Variants in PDIA6 observed in about 807,000 individuals in gnomAD.
PDIA6 encodes the protein protein disulfide isomerase family A member 6.
A neutral mutation model predicts 58.4 loss-of-function variants in PDIA6; 29 were observed. The ratio of observed to expected loss-of-function variants is 0.50; its 90% CI spans 0.37 to 0.68. The LOEUF is 0.68. Among genes scored for constraint, PDIA6 ranks in the 30% least tolerant of loss-of-function variants. PDIA6 has a pLI of 0.00. For missense variants in PDIA6, 480 were observed against 551.0 expected, an observed-to-expected ratio of 0.87 and a Z score of 1.29; for synonymous variants, 192 against 202.6, an observed-to-expected ratio of 0.95 and a Z score of 0.44.
At chr2:10,789,101 C>A (rs1446813573) in intron 8 of PDIA6, 120 bp from the exon 9 acceptor site, 4 of 730,014 alleles carry the variant, frequency 5.5e-6, no homozygotes, top group Non-Finnish European at 9.9e-6. Flanking sequence ...CCCACGACTA[C>A]TTCCTCGTAT....
Position 10,784,948 on chromosome 2 carries a change from C to T in PDIA6, c.1240G>A (p.Gly414Ser), listed in dbSNP as rs759332910. 13 of 1,585,702 alleles carry T rather than the reference C, an allele frequency of 8.2e-6. No homozygotes were observed. In the Admixed American group the frequency reaches 8.8e-5, roughly 11 times the overall value. Residue 414 changes from glycine to serine, a missense_variant, in exon 12 of 13, where the codon GGC becomes AGC. Gly to Ser is a moderately conservative substitution (Grantham distance 56). Coordinates refer to ENST00000272227, the MANE Select transcript of PDIA6 (RefSeq NM_005742.4). ...PTIVEREPWDGRDGELPVEDD... is the reference protein window; with the variant it reads ...PTIVEREPWDSRDGELPVEDD... ...CGGGCACTCACCTCGCCATCCCTGCCGTCCCAAGGCTCTCTCTCAACGATG... is the reference window on the plus strand; with the variant it reads ...CGGGCACTCACCTCGCCATCCCTGCTGTCCCAAGGCTCTCTCTCAACGATG...
At chr2:10,835,031 G>A (rs1412307775), upstream of PDIA6, among the ~76,000 whole-genome samples, 2 of 152,072 alleles carry the variant, frequency 1.3e-5, no homozygotes, top group Non-Finnish European at 2.9e-5. Context: ...GCCTCCCAAA[G>A]TGCTGGGATT....
chr2:10,783,454 C>T lies in PDIA6; in HGVS notation c.*804G>A, dbSNP rs1665520861. On this transcript the variant is annotated 3_prime_UTR_variant, in exon 13 of 13. Transcript: ENST00000272227. ...AATGCTCTCAAGTCCTTTGAATGTTCCAACAAATTCAAAACTTCATTTTCT... is the reference window on the plus strand; with the variant it reads ...AATGCTCTCAAGTCCTTTGAATGTTTCAACAAATTCAAAACTTCATTTTCT... The T allele has an allele frequency of 2.0e-6, 1 of 495,622 alleles. No individual in the cohort carries two copies. The highest frequency in any genetic ancestry group is 2.0e-5 in the African/African-American group (1 of 51,222). 30.7% of individuals were successfully genotyped at this position (495,622 alleles called of 1,614,324 possible).
chr2:10,788,702 C>T lies in PDIA6; in HGVS notation c.993G>A (p.Met331Ile), dbSNP rs144938847. ...LKLADKYKKK[M>I]WGWLWTEAGA... ...CAGTAAGCTCAGTAACTTACCCCCACATTTTCTTTTTGTATTTGTCTGCCA... is the reference window on the plus strand; with the variant it reads ...CAGTAAGCTCAGTAACTTACCCCCATATTTTCTTTTTGTATTTGTCTGCCA... Residue 331 changes from methionine (M) to isoleucine (I), a missense_variant, in exon 10 of 13, where the codon ATG (methionine) becomes ATA (isoleucine). Transcript: ENST00000272227. 33 of 1,608,240 alleles carry T rather than the reference C, an allele frequency of 2.1e-5. 1 individual carries two copies. Among genetic ancestry groups the T allele is most frequent in the Non-Finnish European group, 2.6e-5 (30 of 1,174,752 alleles).
chr2:10,787,230 C>G (rs761487085), intron 11 of PDIA6, 51 bp downstream of exon 11: 2 of 1,539,878 alleles, frequency 1.3e-6, no homozygotes, highest in African/African-American at 1.4e-5. Flanking sequence ...AAACCTACAA[C>G]AGAACCAAAC....
chr2:10,806,237 G>A lies in PDIA6; in HGVS notation c.20-3597C>T, dbSNP rs553838533. On this transcript the variant is annotated intron_variant, in intron 1 of 12. Transcript: ENST00000272227. Reference sequence around the variant, plus strand: ...ACAAAAATTAGCCAGGCATGGTGGTGCATGCCTATAGTCCTAGCTACTCGA... The same window carrying A: ...ACAAAAATTAGCCAGGCATGGTGGTACATGCCTATAGTCCTAGCTACTCGA... Among the ~76,000 whole-genome samples, 17 of 151,262 alleles carry A rather than the reference G, an allele frequency of 1.1e-4. No homozygotes were observed. In the South Asian group the frequency reaches 3.4e-3, roughly 30 times the overall value.
At chr2:10,792,577 G>GT (rs1252968999) in intron 5 of PDIA6, among the ~76,000 whole-genome samples, 2 of 152,192 alleles carry the variant, frequency 1.3e-5, no homozygotes, top group East Asian at 3.9e-4. Flanking sequence ...AGATCTTCAA[G>GT]TTTGTCTTTT....
upstream of PDIA6, among the ~76,000 whole-genome samples, chr2:10,833,341 C>T (rs1321396165): frequency 6.6e-6 from 1 of 152,182 alleles, no homozygotes; most frequent in African/African-American, 2.4e-5. Flanking sequence ...CATCCTTTCC[C>T]GTTTGGAATT....
rs529073817 is a variant in PDIA6, at chr2:10,793,495, ACCT to A, written c.347-296_347-294del. Among the ~76,000 whole-genome samples, 371 of 151,978 alleles carry A rather than the reference ACCT, an allele frequency of 2.4e-3. 3 individuals carry two copies. The highest frequency in any genetic ancestry group is 8.1e-3 in the African/African-American group (334 of 41,420). The stretch of plus-strand genomic sequence containing the variant: ...AGTGGCACCATCTCAGGTCACTGCA[ACCT>A]CCGCCTCCCGGGTTCGAGTGATTTC... On this transcript the variant is annotated intron_variant, in intron 4 of 12. Transcript: ENST00000272227.
In PDIA6 at chr2:10,789,741, T is replaced by C. The variant is rs11904084; in HGVS notation, c.840+8A>G. 886,085 of 1,610,264 alleles carry C rather than the reference T, an allele frequency of 0.55. 248,781 individuals carry two copies. Among genetic ancestry groups the C allele is most frequent in the Middle Eastern group, 0.59 (3,578 of 6,052 alleles). On this transcript the variant is annotated splice_region_variant and intron_variant, in intron 8 of 12. Coordinates refer to ENST00000272227, the MANE Select transcript of PDIA6 (RefSeq NM_005742.4). ...CTTTCTGGACTACAAGCAGTTGAAG[T>C]GGTTTACCTCAAGCAGCTCAGGAGG...
intron 1 of PDIA6, 76 bp downstream of exon 1, chr2:10,812,602 G>C (rs980964165): frequency 7.2e-7 from 1 of 1,386,172 alleles, no homozygotes; most frequent in East Asian, 3.2e-5. Context: ...GCGGCCCGCC[G>C]GGGAACGGCC....
chr2:10,813,822 G>A (rs967342774), upstream of PDIA6, among the ~76,000 whole-genome samples: 18 of 146,774 alleles, frequency 1.2e-4, no homozygotes, highest in Non-Finnish European at 1.8e-4. Flanking sequence ...TTTTAGCAGA[G>A]ACAGGGTTTC....
intron 4 of PDIA6, among the ~76,000 whole-genome samples, chr2:10,796,823 G>A (rs1317416567): frequency 6.6e-6 from 1 of 152,190 alleles, no homozygotes; most frequent in Non-Finnish European, 1.5e-5. Flanking sequence ...AGACAACAGG[G>A]TAGCACAGAA....
upstream of PDIA6, among the ~76,000 whole-genome samples, chr2:10,817,268 A>T (rs376148840): frequency 3.3e-5 from 5 of 152,340 alleles, no homozygotes; most frequent in South Asian, 1.0e-3. Context: ...GCAGCAAGTC[A>T]CTTGCCCTGC....
intron 1 of PDIA6, among the ~76,000 whole-genome samples, chr2:10,804,888 A>G (rs1666667743): frequency 7.7e-6 from 1 of 129,366 alleles, no homozygotes; most frequent in African/African-American, 2.6e-5. Flanking sequence ...GGTCCTTCAC[A>G]TCCCTTGTAA....
intron 1 of PDIA6, among the ~76,000 whole-genome samples, chr2:10,825,266 GTCTCTCTCTCTGTC>G (rs1308270575): frequency 6.2e-5 from 2 of 32,338 alleles, no homozygotes; most frequent in African/African-American, 2.0e-4. Context: ...GTCTCTCTCT[GTCTCTCTCTCTGTC>G]TCTCTCTCTG....
chr2:10,825,998 T>G (rs1446632585), intron 1 of PDIA6, among the ~76,000 whole-genome samples: 1 of 152,206 alleles, frequency 6.6e-6, no homozygotes, highest in South Asian at 2.1e-4. Context: ...ATGAAACACA[T>G]GTCCACACAA....
intron 5 of PDIA6, 99 bp from the exon 6 acceptor site, chr2:10,792,024 G>C: frequency 7.7e-7 from 1 of 1,300,280 alleles, no homozygotes; most frequent in East Asian, 2.3e-5. Context: ...CAAAGTTTTA[G>C]GGTTTTTCTT....
chr2:10,801,597 T>C (rs1686437), intron 2 of PDIA6, among the ~76,000 whole-genome samples: 74,250 of 152,098 alleles, frequency 0.49, 19,671 homozygotes, highest in South Asian at 0.58. Flanking sequence ...ACCAGAGCCT[T>C]TAAAACAGTA....
Sources: gnomAD v4.1 joint callset for allele counts (sites outside exome capture counted in the v4.1 genomes callset) on GRCh38, gnomAD v4.1.1 for gene constraint, MANE v1.5 for transcripts, NCBI Gene and HGNC (gene_info 2026-07-23, HGNC 2026-07-21) for gene names.